Variants in CTNNA1 observed in about 807,000 individuals in gnomAD.
CTNNA1 encodes the protein catenin alpha-1.
Under a neutral mutation model 98.4 loss-of-function variants are expected in CTNNA1, and 37 were observed. The observed-to-expected ratio is 0.38, with a 90% confidence interval of 0.29 to 0.49. The LOEUF (loss-of-function observed/expected upper bound fraction) is 0.49, where lower values mean the gene tolerates loss of function less well. CTNNA1 is among the 20% of genes least tolerant of loss of function. The pLI, the probability that CTNNA1 is intolerant of heterozygous loss-of-function variation, is 0.95. For missense variants in CTNNA1, 761 were observed against 1,147.2 expected (o/e 0.66, Z 4.86); for synonymous variants, 404 against 413.2 (o/e 0.98, Z 0.27).
At chr5:138,770,496 A>G (rs958721222) in intron 1 of CTNNA1, among the ~76,000 whole-genome samples, 9 of 152,280 alleles carry the variant, frequency 5.9e-5, no homozygotes, top group Admixed American at 2.0e-4. Flanking sequence ...TTGACCTCCT[A>G]CTGCTTCTTG....
chr5:138,768,196 G>T (rs892090575), intron 1 of CTNNA1, among the ~76,000 whole-genome samples: 1 of 152,156 alleles, frequency 6.6e-6, no homozygotes, highest in Admixed American at 6.6e-5. Flanking sequence ...TGGCATTTTT[G>T]TATAGTTTAG....
intron 7 of CTNNA1, among the ~76,000 whole-genome samples, chr5:138,879,272 G>A (rs1172853972): frequency 6.6e-6 from 1 of 150,974 alleles, no homozygotes; most frequent in Non-Finnish European, 1.5e-5. Flanking sequence ...GTGTTAACTG[G>A]CAACCACATA....
At chr5:138,777,810 A>G (rs779425166) in intron 1 of CTNNA1, among the ~76,000 whole-genome samples, 11 of 148,856 alleles carry the variant, frequency 7.4e-5, no homozygotes, top group Admixed American at 2.0e-4. Context: ...TGGCAGCAGT[A>G]CAGTCCAGCT....
chr5:138,761,127 A>G (rs77676336), intron 1 of CTNNA1, among the ~76,000 whole-genome samples: 4,896 of 152,346 alleles, frequency 0.032, 110 homozygotes, highest in Non-Finnish European at 0.049. Context: ...TTCTAAGTAA[A>G]TAATATTTTG....
chr5:138,858,737 A>G (rs777997111), intron 7 of CTNNA1, among the ~76,000 whole-genome samples: 18 of 151,914 alleles, frequency 1.2e-4, no homozygotes, highest in Admixed American at 2.6e-4. Context: ...CTGGGATTAC[A>G]GGCACCTGCC....
At chr5:138,799,896 G>GTGTGTA (rs1554081159) in intron 3 of CTNNA1, among the ~76,000 whole-genome samples, 23 of 150,544 alleles carry the variant, frequency 1.5e-4, no homozygotes, top group African/African-American at 5.5e-4. Context: ...ATGTATGTGT[G>GTGTGTA]TGTGTATGTG....
At chr5:138,933,713 T>C in intron 17 of CTNNA1, 89 bp from the exon 18 acceptor site, 1 of 1,372,678 alleles carries the variant, frequency 7.3e-7, no homozygotes, top group Non-Finnish European at 1.0e-6. Flanking sequence ...TGCAGAGGAG[T>C]AGGGGGCTCC....
chr5:138,917,622 C>T, intron 10 of CTNNA1, 120 bp from the exon 11 acceptor site: 1 of 971,866 alleles, frequency 1.0e-6, no homozygotes, highest in Non-Finnish European at 1.5e-6. Context: ...ACACTCTTCC[C>T]CTTCATCTTT....
At chr5:138,861,339 G>A (rs1764255970) in intron 7 of CTNNA1, among the ~76,000 whole-genome samples, 1 of 152,114 alleles carries the variant, frequency 6.6e-6, no homozygotes, top group Admixed American at 6.5e-5. Context: ...ACTTCTTAAT[G>A]TGTGGGCCAC....
At chr5:138,843,850 C>G (rs1179008190) in intron 7 of CTNNA1, among the ~76,000 whole-genome samples, 1 of 152,154 alleles carries the variant, frequency 6.6e-6, no homozygotes, top group Non-Finnish European at 1.5e-5. Flanking sequence ...GAAGTAAAAC[C>G]CTTTGTCACT....
chr5:138,907,508 C>G (rs1007107818), intron 10 of CTNNA1, among the ~76,000 whole-genome samples: 1 of 152,118 alleles, frequency 6.6e-6, no homozygotes, highest in Non-Finnish European at 1.5e-5. Context: ...TTCAAGGAAG[C>G]GAAGGGCTGT....
intron 7 of CTNNA1, among the ~76,000 whole-genome samples, chr5:138,878,129 A>AT (rs1332597034): frequency 6.6e-6 from 1 of 152,188 alleles, no homozygotes; most frequent in Non-Finnish European, 1.5e-5. Context: ...AAGAGTAATT[A>AT]TTTTTTGAAG....
chr5:138,780,999 G>C (rs1234127947), intron 1 of CTNNA1, among the ~76,000 whole-genome samples: 1 of 152,182 alleles, frequency 6.6e-6, no homozygotes, highest in Non-Finnish European at 1.5e-5. Context: ...CTGTCTGACA[G>C]AAGTTTCTCT....
intron 7 of CTNNA1, among the ~76,000 whole-genome samples, chr5:138,840,712 T>C (rs1015451157): frequency 5.3e-5 from 8 of 152,228 alleles, no homozygotes; most frequent in Non-Finnish European, 1.0e-4. Context: ...TCTACCCTAA[T>C]AGTTTTTATC....
Position 138,902,355 on chromosome 5 carries a change from C to A in CTNNA1, c.1297-1994C>A, listed in dbSNP as rs746486221. On this transcript the variant is annotated intron_variant, in intron 9 of 17. Coordinates refer to ENST00000302763, the MANE Select transcript of CTNNA1 (RefSeq NM_001903.5). ...CTAGTAGTGACTGTCCTGGATCCAG[C>A]ATTCAAGTGGCCTCCTAAATGATTG... Among the ~76,000 whole-genome samples the A allele has an allele frequency of 1.4e-4, 21 of 152,234 alleles. 1 individual carries two copies. The highest frequency in any genetic ancestry group is 2.5e-4 in the Non-Finnish European group (17 of 68,042).
chr5:138,886,127 G>A, intron 7 of CTNNA1, 85 bp from the exon 8 acceptor site: 1 of 1,455,116 alleles, frequency 6.9e-7, no homozygotes, highest in African/African-American at 1.4e-5. Flanking sequence ...CTTTTTCAGT[G>A]TTGACATGAG....
At chr5:138,868,509 C>T (rs1352762160) in intron 7 of CTNNA1, among the ~76,000 whole-genome samples, 1 of 152,108 alleles carries the variant, frequency 6.6e-6, no homozygotes, top group Non-Finnish European at 1.5e-5. Flanking sequence ...GAGGCCAAGT[C>T]GCTGTTGGCT....
intron 5 of CTNNA1, among the ~76,000 whole-genome samples, chr5:138,817,676 C>A (rs1265700811): frequency 6.6e-6 from 1 of 151,852 alleles, no homozygotes; most frequent in Non-Finnish European, 1.5e-5. Flanking sequence ...CTGAGATTTT[C>A]TTTTTCTTGG....
At chr5:138,932,069 C>T (rs1765471627) in intron 16 of CTNNA1, 6 of 985,768 alleles carry the variant, frequency 6.1e-6, no homozygotes, top group African/African-American at 1.7e-5. Flanking sequence ...ACTTGTCTTC[C>T]ACCTCAGCCT....
Sources: gnomAD v4.1 joint callset for allele counts (sites outside exome capture counted in the v4.1 genomes callset) on GRCh38, gnomAD v4.1.1 for gene constraint, MANE v1.5 for transcripts, NCBI Gene and HGNC (gene_info 2026-07-23, HGNC 2026-07-21) for gene names.